PDE1C: variants seen among roughly 807,000 people sequenced by gnomAD.
PDE1C encodes the protein dual specificity calcium/calmodulin-dependent 3',5'-cyclic nucleotide phosphodiesterase 1C.
Under a neutral mutation model 93.1 loss-of-function variants are expected in PDE1C, and 62 were observed. The ratio of observed to expected loss-of-function variants is 0.67; its 90% CI spans 0.54 to 0.82. The LOEUF (loss-of-function observed/expected upper bound fraction) is 0.82, where lower values mean the gene tolerates loss of function less well. Among genes scored for constraint, PDE1C ranks in the 40% least tolerant of loss-of-function variants. PDE1C has a pLI of 0.00. For missense variants in PDE1C, 742 were observed against 884.6 expected (o/e 0.84, Z 2.04); for synonymous variants, 325 against 310.1 (o/e 1.05, Z -0.50).
intron 2 of PDE1C, among the ~76,000 whole-genome samples, chr7:32,008,151 G>A (rs1356496421): frequency 6.6e-6 from 1 of 152,102 alleles, no homozygotes; most frequent in Non-Finnish European, 1.5e-5. Context: ...TGAGCTACAT[G>A]CCAGATATAA....
In PDE1C at chr7:31,836,060, T is replaced by C. The variant is rs41376247; in HGVS notation, c.1203+1120A>G. ...CTGAATCCATGCTGTTGAATCTCTT[T>C]TCTTGAATTAGCAAGAATTAACTGA... On this transcript the variant is annotated intron_variant, in intron 11 of 17. Coordinates refer to ENST00000396191, the MANE Select transcript of PDE1C (RefSeq NM_001191057.4). Among the ~76,000 whole-genome samples, 246 of 152,356 alleles carry C rather than the reference T, an allele frequency of 1.6e-3. 3 individuals carry two copies. The East Asian group carries it at 0.041, about 25-fold the overall frequency.
rs982635216 is a variant in PDE1C at position 31,901,005 on chromosome 7, A to G, written c.129-20145T>C. On this transcript the variant is annotated intron_variant, in intron 2 of 17. Coordinates refer to ENST00000396191, the MANE Select transcript of PDE1C (RefSeq NM_001191057.4). Reference sequence around the variant, plus strand: ...AATTACATAGTAAACCAGGAATTTAATGACTTTTTTAAATGATAAAGAATA... The same window carrying G: ...AATTACATAGTAAACCAGGAATTTAGTGACTTTTTTAAATGATAAAGAATA... Among the ~76,000 whole-genome samples, 5 of 151,844 alleles carry G rather than the reference A, an allele frequency of 3.3e-5. No homozygotes were observed. In the East Asian group the frequency reaches 9.6e-4, roughly 29 times the overall value.
chr7:31,778,683 T>C (rs950767095), intron 16 of PDE1C, among the ~76,000 whole-genome samples: 2 of 152,234 alleles, frequency 1.3e-5, no homozygotes, highest in African/African-American at 4.8e-5. Context: ...TGGTCATTGC[T>C]AATAGTCACT....
intron 7 of PDE1C, among the ~76,000 whole-genome samples, chr7:31,863,792 A>G (rs976572824): frequency 9.2e-5 from 14 of 152,194 alleles, no homozygotes; most frequent in Admixed American, 5.2e-4. Flanking sequence ...ATTTTTCACC[A>G]TTTTAAAAAA....
upstream of PDE1C, chr7:32,070,473 ATGCCC>A: frequency 6.4e-7 from 1 of 1,573,740 alleles, no homozygotes; most frequent in Non-Finnish European, 8.6e-7. Context: ...CCAGCTCGCG[ATGCCC>A]AGCCAGGCGC....
chr7:32,404,867 G>T (rs1192412251), intron 1 of PDE1C, among the ~76,000 whole-genome samples: 1 of 152,190 alleles, frequency 6.6e-6, no homozygotes, highest in African/African-American at 2.4e-5. Flanking sequence ...AGGCCTCCTT[G>T]TCATGTTTGC....
chr7:31,695,937 T>C, the PDE1C span: 1 of 183,906 alleles, frequency 5.4e-6, no homozygotes, highest in Non-Finnish European at 1.1e-5. Context: ...AAACACATGG[T>C]GAGCAAAGTC....
rs116561537 is a variant in PDE1C, at chr7:32,389,534, T to G, written c.310+38288A>C. On this transcript the variant is annotated intron_variant, in intron 1 of 1. Transcript: ENST00000672256. ...GCCCAGCCTGATAGCTGACTTGTTA[T>G]GTAACAAGGAAAGTTGAAAATGATG... Among the ~76,000 whole-genome samples, 281 of 152,324 alleles carry G rather than the reference T, an allele frequency of 1.8e-3. 2 individuals are homozygous for G. The highest frequency in any genetic ancestry group is 6.4e-3 in the African/African-American group (265 of 41,568).
intron 1 of PDE1C, among the ~76,000 whole-genome samples, chr7:32,259,872 C>T (rs1041780178): frequency 1.3e-5 from 2 of 152,182 alleles, no homozygotes; most frequent in Non-Finnish European, 2.9e-5. Flanking sequence ...ATTCACTTCT[C>T]AAAACCTCCA....
intron 3 of PDE1C, among the ~76,000 whole-genome samples, chr7:32,094,014 C>G (rs10951320): frequency 0.64 from 97,037 of 152,140 alleles, 31,159 homozygotes; most frequent in African/African-American, 0.69. Context: ...AAGGGCTCCT[C>G]CTTCTCCAGC....
chr7:31,778,966 C>A (rs746337338), intron 16 of PDE1C, among the ~76,000 whole-genome samples: 1 of 152,162 alleles, frequency 6.6e-6, no homozygotes, highest in Admixed American at 6.5e-5. Flanking sequence ...TCTTAACCAA[C>A]CCATTGTCTG....
At chr7:32,035,663 G>A (rs1165070083) in intron 2 of PDE1C, among the ~76,000 whole-genome samples, 1 of 152,180 alleles carries the variant, frequency 6.6e-6, no homozygotes, top group African/African-American at 2.4e-5. Context: ...CGGGGGTAAA[G>A]AGCATCCGAA....
chr7:31,958,865 A>G (rs1808511410), intron 2 of PDE1C, among the ~76,000 whole-genome samples: 2 of 152,190 alleles, frequency 1.3e-5, no homozygotes, highest in African/African-American at 4.8e-5. Context: ...AGTGTATACT[A>G]TACAGATAAT....
intron 8 of PDE1C, 31 bp from the exon 9 acceptor site, chr7:31,848,127 G>A: frequency 6.2e-7 from 1 of 1,607,062 alleles, no homozygotes; most frequent in Non-Finnish European, 8.5e-7. Flanking sequence ...AATTCAGAAT[G>A]TTAAACAGTT....
At chr7:32,245,050 T>A (rs1808823634) in intron 1 of PDE1C, among the ~76,000 whole-genome samples, 1 of 152,302 alleles carries the variant, frequency 6.6e-6, no homozygotes, top group South Asian at 2.1e-4. Flanking sequence ...CAGGCCTTCA[T>A]AACCGGTGTG....
chr7:31,668,989 T>C, the PDE1C span, among the ~76,000 whole-genome samples: 1 of 149,948 alleles, frequency 6.7e-6, no homozygotes, highest in Non-Finnish European at 1.5e-5. Context: ...TGAAGTTAGT[T>C]GAGGAAGGAG....
At chr7:31,790,115 T>C (rs1784405626) in intron 16 of PDE1C, 2 of 1,549,998 alleles carry the variant, frequency 1.3e-6, no homozygotes, top group Non-Finnish European at 1.7e-6. Context: ...GGTGGGGGGC[T>C]TGTGTTTGAA....
chr7:32,197,242 A>C (rs1804689344), intron 2 of PDE1C, among the ~76,000 whole-genome samples: 1 of 152,200 alleles, frequency 6.6e-6, no homozygotes, highest in Admixed American at 6.5e-5. Flanking sequence ...AATCAAAGCC[A>C]CAATATATCA....
chr7:32,408,241 G>C (rs989473772), intron 1 of PDE1C, among the ~76,000 whole-genome samples: 38 of 152,142 alleles, frequency 2.5e-4, no homozygotes, highest in African/African-American at 8.9e-4. Flanking sequence ...CATCCCTAAA[G>C]CTTCCATTAA....
Sources: gnomAD v4.1 joint callset for allele counts (sites outside exome capture counted in the v4.1 genomes callset) on GRCh38, gnomAD v4.1.1 for gene constraint, MANE v1.5 for transcripts, NCBI Gene and HGNC (gene_info 2026-07-23, HGNC 2026-07-21) for gene names.